Variants in NINL observed in about 807,000 individuals in gnomAD.
The protein encoded by NINL is ninein like, also known as ninein-like protein.
In NINL, 153 loss-of-function variants were observed where a neutral mutation model predicts 160.3. The observed-to-expected ratio is 0.95, with a 90% CI of 0.84 to 1.09. The LOEUF (loss-of-function observed/expected upper bound fraction) is 1.09, where lower values mean the gene tolerates loss of function less well. NINL is among the 50% of genes least tolerant of loss of function. The pLI, the probability that NINL is intolerant of heterozygous loss-of-function variation, is 0.00. For synonymous variants in NINL, 800 were observed against 734.8 expected (o/e 1.09, Z -1.43); for missense variants, 1,829 against 1,764.0 (o/e 1.04, Z -0.66).
At chr20:25,559,781 G>A (rs994460709) in intron 1 of NINL, among the ~76,000 whole-genome samples, 6 of 150,282 alleles carry the variant, frequency 4.0e-5, no homozygotes, top group South Asian at 2.1e-4. Flanking sequence ...TTTTTTTCTC[G>A]TTTTTTGTAA....
At chr20:25,549,553 C>T (rs2064782051) in intron 1 of NINL, among the ~76,000 whole-genome samples, 1 of 152,260 alleles carries the variant, frequency 6.6e-6, no homozygotes, top group South Asian at 2.1e-4. Context: ...CTCACTTCCC[C>T]TCTCCCTCTC....
intron 16 of NINL, 26 bp downstream of exon 16, chr20:25,478,897 G>C: frequency 6.7e-7 from 1 of 1,488,794 alleles, no homozygotes; most frequent in Middle Eastern, 2.1e-4. Flanking sequence ...CCCCAGACTT[G>C]AAATCTCAAA....
chr20:25,505,190 G>A, intron 5 of NINL, 112 bp from the exon 6 acceptor site: 2 of 987,354 alleles, frequency 2.0e-6, no homozygotes, highest in East Asian at 2.8e-5. Flanking sequence ...TGAATGTGGA[G>A]GACATTACGC....
At chr20:25,479,835 C>T (rs2063349525) in intron 15 of NINL, among the ~76,000 whole-genome samples, 1 of 152,214 alleles carries the variant, frequency 6.6e-6, no homozygotes, top group East Asian at 1.9e-4. Flanking sequence ...GCTTGGAGCA[C>T]AGCCAGTAAC....
intron 7 of NINL, among the ~76,000 whole-genome samples, chr20:25,502,872 C>T (rs989833067): frequency 2.0e-5 from 3 of 152,238 alleles, no homozygotes; most frequent in South Asian, 4.1e-4. Context: ...GCTTCCTGCA[C>T]AGCCTGCAGA....
At chr20:25,490,839 G>C (rs957113203) in intron 11 of NINL, among the ~76,000 whole-genome samples, 2 of 152,120 alleles carry the variant, frequency 1.3e-5, no homozygotes, top group African/African-American at 4.8e-5. Flanking sequence ...GAGGACACAG[G>C]CAGGAGCAGA....
Position 25,504,022 on chromosome 20 carries a change from C to T in NINL, c.791G>A (p.Ser264Asn). 6.2e-7 allele frequency: 1 copy of T among 1,613,348 alleles called. No individual in the cohort carries two copies. The highest frequency in any genetic ancestry group is 8.5e-7 in the Non-Finnish European group (1 of 1,179,726). The change falls in exon 7 of 24, where the codon AGT becomes AAT. Residue 264 changes from serine (S) to asparagine (N), a missense_variant. By Grantham distance (46) the Ser-to-Asn change is conservative (BLOSUM62 1). Coordinates refer to ENST00000278886, the MANE Select transcript of NINL (RefSeq NM_025176.6). ...CTCTAGAAGTAGCGCGGGCTCATGA[C>T]TGAAGAGGCCAAGCTGGAATTCCTC... ...SLEEFQLGLFSHEPALLLESS... is the reference protein window; with the variant it reads ...SLEEFQLGLFNHEPALLLESS...
At chr20:25,495,537 G>C (rs550026252) in intron 10 of NINL, among the ~76,000 whole-genome samples, 1 of 152,160 alleles carries the variant, frequency 6.6e-6, no homozygotes, top group Non-Finnish European at 1.5e-5. Context: ...CTGCAGCCTC[G>C]GGCAGACCTC....
rs1268163442 is a variant in NINL at position 25,453,254 on chromosome 20, C to T, written c.*197G>A. 4.3e-6 allele frequency: 2 copies of T among 467,568 alleles called. No homozygotes were observed. The highest frequency in any genetic ancestry group is 3.4e-5 in the East Asian group (1 of 29,062). 29.0% of individuals were successfully genotyped at this position (467,568 alleles called of 1,614,324 possible). On this transcript the variant is annotated 3_prime_UTR_variant, in exon 24 of 24. Coordinates refer to ENST00000278886, the MANE Select transcript of NINL (RefSeq NM_025176.6). Reference sequence around the variant, plus strand: ...CCGCTAATAAAAACGCCGGCTTCTGCAACATGCATATTCCCCCAGCCCCCA... The same window carrying T: ...CCGCTAATAAAAACGCCGGCTTCTGTAACATGCATATTCCCCCAGCCCCCA...
intron 21 of NINL, among the ~76,000 whole-genome samples, chr20:25,460,798 G>T (rs909452174): frequency 6.6e-6 from 1 of 152,174 alleles, no homozygotes; most frequent in African/African-American, 2.4e-5. Flanking sequence ...AGGCTCAGCC[G>T]AGCCTCACAG....
At chr20:25,506,781 A>C (rs376742) in intron 5 of NINL, among the ~76,000 whole-genome samples, 86,813 of 152,102 alleles carry the variant, frequency 0.57, 26,282 homozygotes, top group East Asian at 0.98. Flanking sequence ...CACACCATCA[A>C]GAAGTTGAAA....
At chr20:25,504,337 T>A (rs1858399351) in intron 6 of NINL, among the ~76,000 whole-genome samples, 1 of 152,182 alleles carries the variant, frequency 6.6e-6, no homozygotes, top group African/African-American at 2.4e-5. Flanking sequence ...TGTGAGTGGG[T>A]GTCACCTGAA....
rs779899157 is a variant in NINL, at chr20:25,489,902, C to A, written c.1569G>T (p.Lys523Asn). The A allele has an allele frequency of 6.2e-7, 1 of 1,614,228 alleles. No homozygotes were observed. ...TGTCCTTCAGCACAAACTCCAGGTC[C>A]TTCTGCAGCTTCAGGGCCAGCCTCT... ...DSERLALKLQ[K>N]DLEFVLKDKL... Residue 523 changes from lysine (K) to asparagine (N), a missense_variant, in exon 12 of 24, where the codon AAG (lysine) becomes AAT (asparagine). Physicochemically the swap from Lys to Asn is moderately conservative, Grantham distance 94. Coordinates refer to ENST00000278886, the MANE Select transcript of NINL (RefSeq NM_025176.6).
chr20:25,585,200 C>A (rs1385607070), intron 1 of NINL, among the ~76,000 whole-genome samples: 1 of 152,168 alleles, frequency 6.6e-6, no homozygotes, highest in Non-Finnish European at 1.5e-5. Context: ...GTCGGGAAAC[C>A]GGGTTTTCAA....
intron 1 of NINL, among the ~76,000 whole-genome samples, chr20:25,572,095 G>C (rs868637500): frequency 1.5e-4 from 23 of 152,070 alleles, no homozygotes; most frequent in African/African-American, 4.6e-4. Flanking sequence ...TGCAGACACA[G>C]GAGGACATGA....
chr20:25,522,466 T>C (rs891534730), intron 2 of NINL, among the ~76,000 whole-genome samples: 2 of 152,242 alleles, frequency 1.3e-5, no homozygotes, highest in Non-Finnish European at 2.9e-5. Context: ...ACATTTTTCC[T>C]ATCTGAATCA....
chr20:25,509,493 C>T (rs2064028509), intron 5 of NINL, among the ~76,000 whole-genome samples: 1 of 152,208 alleles, frequency 6.6e-6, no homozygotes, highest in African/African-American at 2.4e-5. Context: ...GTGTGAACCT[C>T]AGCTCTTGTT....
chr20:25,478,345 T>G (rs1601078315), intron 16 of NINL, among the ~76,000 whole-genome samples: 1 of 152,300 alleles, frequency 6.6e-6, no homozygotes, highest in Non-Finnish European at 1.5e-5. Context: ...CACAGGACAG[T>G]GGGTGCCAGC....
intron 13 of NINL, 85 bp from the exon 14 acceptor site, chr20:25,482,185 C>A: frequency 6.7e-7 from 1 of 1,488,752 alleles, no homozygotes; most frequent in South Asian, 1.3e-5. Context: ...CAGGGGGGTC[C>A]CTTGCAGGTG....
Sources: allele counts gnomAD v4.1 joint callset (sites outside exome capture counted in the v4.1 genomes callset), GRCh38; gene constraint gnomAD v4.1.1; transcripts MANE v1.5; gene names NCBI Gene and HGNC (gene_info 2026-07-23, HGNC 2026-07-21).